Variants in SPAG17 observed in about 807,000 individuals in gnomAD.
SPAG17 encodes the protein sperm associated antigen 17.
SPAG17 carries 169 observed loss-of-function variants against 273.6 expected under a neutral mutation model. The ratio of observed to expected loss-of-function variants is 0.62; its 90% CI spans 0.55 to 0.70. The LOEUF (loss-of-function observed/expected upper bound fraction) is 0.70. SPAG17 is among the 30% of genes least tolerant of loss of function. The pLI is 0.00. For missense variants in SPAG17, 2,557 were observed against 2,627.8 expected (o/e 0.97, Z 0.59); for synonymous variants, 825 against 873.2 (o/e 0.94, Z 0.97).
chr1:118,175,021 CTTAT>C (rs5777342), intron 1 of SPAG17, among the ~76,000 whole-genome samples: 148,429 of 150,690 alleles, frequency 0.98, 73,142 homozygotes, highest in East Asian at 1. Flanking sequence ...GAAGGGGACT[CTTAT>C]TTATTTATTT....
chr1:118,150,008 G>A (rs1019302601), intron 3 of SPAG17, among the ~76,000 whole-genome samples: 10 of 152,110 alleles, frequency 6.6e-5, no homozygotes, highest in Non-Finnish European at 1.2e-4. Flanking sequence ...GAAATGGAAC[G>A]GACCATTAAT....
chr1:118,034,276 G>C (rs561982957), intron 24 of SPAG17, among the ~76,000 whole-genome samples: 58 of 152,318 alleles, frequency 3.8e-4, no homozygotes, highest in African/African-American at 1.3e-3. Flanking sequence ...TGTTCAGTCT[G>C]TGATAGAGGA....
chr1:118,077,583 C>A (rs1571423053), intron 15 of SPAG17, among the ~76,000 whole-genome samples: 1 of 152,122 alleles, frequency 6.6e-6, no homozygotes, highest in Non-Finnish European at 1.5e-5. Flanking sequence ...GGGCCTTACA[C>A]CTCTCCTGGC....
chr1:118,037,048 G>A (rs1015079765), intron 23 of SPAG17, among the ~76,000 whole-genome samples, 165 bp from the exon 24 acceptor site: 1 of 152,142 alleles, frequency 6.6e-6, no homozygotes, highest in African/African-American at 2.4e-5. Context: ...TAGAGGTAGG[G>A]TGGAATTACA....
chr1:118,049,023 A>G (rs186264472), intron 20 of SPAG17, among the ~76,000 whole-genome samples: 14 of 152,348 alleles, frequency 9.2e-5, no homozygotes, highest in Non-Finnish European at 1.0e-4. Context: ...ACCAAGACTG[A>G]GTCATGAAGA....
intron 42 of SPAG17, among the ~76,000 whole-genome samples, chr1:117,983,331 G>T (rs944038881): frequency 3.3e-5 from 5 of 152,182 alleles, no homozygotes; most frequent in Non-Finnish European, 7.3e-5. Flanking sequence ...GACGAGATTT[G>T]GGTGGGGACA....
intron 4 of SPAG17, among the ~76,000 whole-genome samples, chr1:118,110,212 T>C (rs1656678043): frequency 6.6e-6 from 1 of 152,228 alleles, no homozygotes. Context: ...AAGAAAATTA[T>C]GATAGTCAAT....
chr1:118,048,029 G>C (rs1650565779), intron 20 of SPAG17, among the ~76,000 whole-genome samples: 1 of 152,012 alleles, frequency 6.6e-6, no homozygotes, highest in Non-Finnish European at 1.5e-5. Context: ...GTCAGGTGCA[G>C]GCTGGCTACA....
Position 118,081,287 on chromosome 1 carries a change from C to T in SPAG17, c.2023G>A (p.Asp675Asn). ...IKIKDRTLFVDQNLSMSVQDN... is the reference protein window; with the variant it reads ...IKIKDRTLFVNQNLSMSVQDN... ...TGCACAGACATTGACAAATTCTGAT[C>T]CACAAATAGTGTTCTGTCTTTGATT... Residue 675 changes from aspartate (D) to asparagine (N), a missense_variant, in exon 15 of 49, where the codon GAT becomes AAT. Transcript: ENST00000336338. The T allele has an allele frequency of 2.5e-6, 4 of 1,613,956 alleles. No homozygotes were observed. The highest frequency in any genetic ancestry group is 2.2e-5 in the South Asian group (2 of 91,056).
intron 45 of SPAG17, 153 bp downstream of exon 45, chr1:117,971,710 T>A (rs1654583437): frequency 1.9e-6 from 1 of 533,300 alleles, no homozygotes; most frequent in Non-Finnish European, 3.2e-6. Flanking sequence ...AATGAATGAA[T>A]GAGTTAGTGT....
chr1:118,014,353 A>G (rs747429950), intron 29 of SPAG17, among the ~76,000 whole-genome samples: 2 of 152,180 alleles, frequency 1.3e-5, no homozygotes, highest in Non-Finnish European at 2.9e-5. Context: ...ATGCTTCCAA[A>G]ATGGTGATAG....
chr1:118,172,317 T>G (rs763554444), intron 1 of SPAG17, among the ~76,000 whole-genome samples: 1 of 152,202 alleles, frequency 6.6e-6, no homozygotes, highest in African/African-American at 2.4e-5. Flanking sequence ...ATTAGGAAAC[T>G]GAAATCATCA....
At chr1:118,039,061 T>C (rs1429504292) in intron 23 of SPAG17, among the ~76,000 whole-genome samples, 1 of 152,156 alleles carries the variant, frequency 6.6e-6, no homozygotes, top group Admixed American at 6.6e-5. Flanking sequence ...AATTTCATCA[T>C]GAACCTAAAA....
chr1:118,088,066 AAG>A (rs1655122809), intron 10 of SPAG17, among the ~76,000 whole-genome samples: 1 of 152,198 alleles, frequency 6.6e-6, no homozygotes, highest in Non-Finnish European at 1.5e-5. Flanking sequence ...CTACTGTCAG[AAG>A]AGTCACTCAC....
In SPAG17 at chr1:118,028,317, G is replaced by C. The variant is rs2101867020; in HGVS notation, c.3687C>G (p.Cys1229Trp). Residue 1229 changes from cysteine (C) to tryptophan (W), a missense_variant, in exon 26 of 49, where the codon TGC (cysteine) becomes TGG (tryptophan). Transcript: ENST00000336338. ...TGAAAGTCAACAGGAGCCCACTGGG[G>C]CAAGACACATTTAGGCTCTGGAAGG... ...VPTFQSLNVS[C>W]PSGLLLTFIG... The C allele has an allele frequency of 6.2e-7, 1 of 1,613,668 alleles. No individual in the cohort carries two copies. The highest frequency in any genetic ancestry group is 1.1e-5 in the South Asian group (1 of 91,014).
chr1:117,982,245 T>A (rs1021925288), intron 42 of SPAG17, among the ~76,000 whole-genome samples: 9 of 150,626 alleles, frequency 6.0e-5, no homozygotes, highest in Admixed American at 1.3e-4. Context: ...CTGCTTATTT[T>A]TTTTTTTTTT....
intron 44 of SPAG17, 22 bp from the exon 45 acceptor site, chr1:117,972,069 A>T: frequency 6.9e-6 from 11 of 1,583,972 alleles, no homozygotes; most frequent in Non-Finnish European, 9.4e-6. Context: ...GAAAAAATTA[A>T]TAAAATGGTT....
chr1:117,977,404 T>C (rs1655259552), intron 43 of SPAG17, among the ~76,000 whole-genome samples: 1 of 152,246 alleles, frequency 6.6e-6, no homozygotes, highest in Non-Finnish European at 1.5e-5. Flanking sequence ...GAATTAAGAG[T>C]CTTAAAACTC....
chr1:118,010,840 C>A (rs1015309372), intron 30 of SPAG17, among the ~76,000 whole-genome samples: 1 of 151,802 alleles, frequency 6.6e-6, no homozygotes. Context: ...TACATGCTAA[C>A]ATCCAGCATC....
Sources: allele counts gnomAD v4.1 joint callset (sites outside exome capture counted in the v4.1 genomes callset), GRCh38; gene constraint gnomAD v4.1.1; transcripts MANE v1.5; gene names NCBI Gene and HGNC (gene_info 2026-07-23, HGNC 2026-07-21).